Variants in DOCK8 observed in about 807,000 individuals in gnomAD.
DOCK8 encodes the protein dedicator of cytokinesis protein 8.
A neutral mutation model predicts 245.6 loss-of-function variants in DOCK8; 141 were observed. The ratio of observed to expected loss-of-function variants is 0.57; its 90% CI spans 0.50 to 0.66. The LOEUF is 0.66. DOCK8 is among the 30% of genes least tolerant of loss of function. The pLI, the probability that DOCK8 is intolerant of heterozygous loss-of-function variation, is 0.00. For synonymous variants in DOCK8, 1,168 were observed against 970.2 expected (o/e 1.20, Z -3.79); for missense variants, 2,965 against 2,603.4 (o/e 1.14, Z -3.02).
chr9:302,855 A>T (rs895248309), intron 4 of DOCK8, among the ~76,000 whole-genome samples: 1 of 152,052 alleles, frequency 6.6e-6, no homozygotes, highest in Non-Finnish European at 1.5e-5. Context: ...TAGACTGGGC[A>T]TGTGGCTTAT....
intron 46 of DOCK8, among the ~76,000 whole-genome samples, chr9:457,788 A>G (rs116301131): frequency 0.011 from 1,637 of 152,314 alleles, 31 homozygotes; most frequent in African/African-American, 0.037. Flanking sequence ...AGGCATAATA[A>G]CGCTACCATG....
intron 8 of DOCK8, among the ~76,000 whole-genome samples, chr9:326,153 A>G (rs1451270683): frequency 6.6e-6 from 1 of 152,238 alleles, no homozygotes; most frequent in Non-Finnish European, 1.5e-5. Flanking sequence ...CACAGAGTTC[A>G]GACCTTACCA....
At chr9:338,837 G>T (rs2051440790) in intron 12 of DOCK8, among the ~76,000 whole-genome samples, 169 bp from the exon 13 acceptor site, 1 of 152,170 alleles carries the variant, frequency 6.6e-6, no homozygotes, top group Admixed American at 6.5e-5. Flanking sequence ...GATTGAGAAG[G>T]ATTTAACAAG....
chr9:398,703 C>T (rs1457715118), intron 25 of DOCK8, among the ~76,000 whole-genome samples: 25 of 151,816 alleles, frequency 1.6e-4, no homozygotes, highest in Admixed American at 1.6e-3. Flanking sequence ...AAAACTAATT[C>T]TTTTATCCTG....
At chr9:239,055 G>T (rs2047324649) in intron 1 of DOCK8, among the ~76,000 whole-genome samples, 1 of 152,204 alleles carries the variant, frequency 6.6e-6, no homozygotes, top group Non-Finnish European at 1.5e-5. Context: ...GGGGGAACAT[G>T]CACACTCCAC....
At chr9:224,635 C>G (rs998605978) in intron 1 of DOCK8, among the ~76,000 whole-genome samples, 5 of 152,124 alleles carry the variant, frequency 3.3e-5, no homozygotes, top group African/African-American at 1.2e-4. Flanking sequence ...TTTGGCAGAC[C>G]TTTTTGAGTT....
intron 24 of DOCK8, among the ~76,000 whole-genome samples, chr9:395,205 A>T (rs996982240): frequency 2.6e-5 from 4 of 152,088 alleles, no homozygotes; most frequent in Admixed American, 1.3e-4. Flanking sequence ...ACCAAAGAGG[A>T]TGCCGCCATG....
intron 1 of DOCK8, among the ~76,000 whole-genome samples, chr9:225,555 A>G (rs963988105): frequency 6.6e-6 from 1 of 152,170 alleles, no homozygotes; most frequent in Non-Finnish European, 1.5e-5. Context: ...AAGCAACTAC[A>G]TACTTATTCA....
chr9:453,571 C>T (rs925961975), intron 46 of DOCK8, among the ~76,000 whole-genome samples: 12 of 152,132 alleles, frequency 7.9e-5, no homozygotes, highest in African/African-American at 1.9e-4. Flanking sequence ...GGACTACAGA[C>T]GTGTGCCACC....
rs1276322037 is a variant in DOCK8, at chr9:278,839, G to A, written c.156+7110G>A. Among the ~76,000 whole-genome samples the A allele has an allele frequency of 2.0e-5, 3 of 152,218 alleles. No homozygotes were observed. The East Asian group carries it at 5.8e-4, about 29-fold the overall frequency. ...AAGCAGGGCTGGGTCACAGGCCTCA[G>A]AGACTGTAGAACATTGGCTCCTACT... is the stretch of plus-strand genomic sequence containing the variant. On this transcript the variant is annotated intron_variant, in intron 2 of 47. Coordinates refer to ENST00000432829, the MANE Select transcript of DOCK8 (RefSeq NM_203447.4).
chr9:399,207 C>G lies in DOCK8; in HGVS notation c.3182C>G (p.Ser1061Cys), dbSNP rs754046747. Residue 1061 changes from serine (S) to cysteine (C), a missense_variant, in exon 26 of 48, where the codon TCC becomes TGC. Ser to Cys is a moderately radical substitution (Grantham distance 112). Coordinates refer to ENST00000432829, the MANE Select transcript of DOCK8 (RefSeq NM_203447.4). ...SLAFFLYDLL[S>C]LMDRGFVFNL... ...GCTTTCTTCTTGTATGACCTTCTCT[C>G]CCTCATGGATCGGGGCTTTGTGTTT... 2 of 1,614,066 alleles carry G rather than the reference C, an allele frequency of 1.2e-6. No homozygotes were observed. The highest frequency in any genetic ancestry group is 2.2e-5 in the South Asian group (2 of 91,076).
intron 22 of DOCK8, among the ~76,000 whole-genome samples, chr9:383,139 C>G (rs908386946): frequency 1.4e-4 from 21 of 152,320 alleles, no homozygotes; most frequent in Middle Eastern, 3.4e-3. Flanking sequence ...GTGGCTCATG[C>G]CTGTAATCCT....
intron 42 of DOCK8, among the ~76,000 whole-genome samples, chr9:442,880 T>G (rs1408584015): frequency 6.6e-6 from 1 of 152,166 alleles, no homozygotes; most frequent in Non-Finnish European, 1.5e-5. Context: ...TCGTACACTC[T>G]CCATCCATGC....
chr9:351,382 A>C (rs1173032710), intron 14 of DOCK8, among the ~76,000 whole-genome samples: 2 of 152,194 alleles, frequency 1.3e-5, no homozygotes. Context: ...TCATGGCTGG[A>C]AAAGGGCCCC....
chr9:318,321 G>C (rs565380544), intron 7 of DOCK8, among the ~76,000 whole-genome samples: 1 of 152,270 alleles, frequency 6.6e-6, no homozygotes, highest in South Asian at 2.1e-4. Flanking sequence ...CACTTCATAG[G>C]TCCCTTCAGC....
At chr9:244,296 A>ACG (rs1563835728) in intron 1 of DOCK8, among the ~76,000 whole-genome samples, 1 of 151,912 alleles carries the variant, frequency 6.6e-6, no homozygotes, top group Admixed American at 6.6e-5. Context: ...ACACACACGC[A>ACG]CACACATATA....
chr9:390,584 T>G lies in DOCK8; in HGVS notation c.2970+18T>G. 1 of 1,610,434 alleles carries G rather than the reference T, an allele frequency of 6.2e-7. No homozygotes were observed. Among genetic ancestry groups the G allele is most frequent in the Non-Finnish European group, 8.5e-7 (1 of 1,176,626 alleles). On this transcript the variant is annotated intron_variant, in intron 24 of 47. Transcript: ENST00000432829. ...AGCTTCTGGTGAGATTCTTGCGCGT[T>G]TGTATCTGTGCTCAATAGGCCAAGA...
At chr9:305,211 T>C (rs1355708795) in intron 5 of DOCK8, among the ~76,000 whole-genome samples, 1 of 152,202 alleles carries the variant, frequency 6.6e-6, no homozygotes, top group East Asian at 1.9e-4. Flanking sequence ...CCATAAAGAA[T>C]TAGAATAATG....
Position 214,877 on chromosome 9 carries a change from T to A in DOCK8, c.-100T>A, listed in dbSNP as rs886063778. On this transcript the variant is annotated 5_prime_UTR_variant, in exon 1 of 48. In the 5' UTR this introduces an upstream ATG that the reference lacks. Transcript: ENST00000432829. Reference sequence around the variant, plus strand: ...TCCAGCGCCGACCGACAGACGAGGTTTGCGCTTGGCTGGGCATGTTCCGCG... The same window carrying A: ...TCCAGCGCCGACCGACAGACGAGGTATGCGCTTGGCTGGGCATGTTCCGCG... 41 of 1,601,722 alleles carry A rather than the reference T, an allele frequency of 2.6e-5. No individual in the cohort carries two copies. Among genetic ancestry groups the A allele is most frequent in the Non-Finnish European group, 3.1e-5 (37 of 1,174,804 alleles).
Sources: gnomAD v4.1 joint callset for allele counts (sites outside exome capture counted in the v4.1 genomes callset) on GRCh38, gnomAD v4.1.1 for gene constraint, MANE v1.5 for transcripts, NCBI Gene and HGNC (gene_info 2026-07-23, HGNC 2026-07-21) for gene names.